Variants in B4GALT6 observed in about 807,000 individuals in gnomAD.
B4GALT6 encodes the protein beta-1,4-galactosyltransferase 6.
Under a neutral mutation model 46.3 loss-of-function variants are expected in B4GALT6, and 14 were observed. The ratio of observed to expected loss-of-function variants is 0.30; its 90% CI spans 0.20 to 0.47. The LOEUF is 0.47. Among genes scored for constraint, B4GALT6 ranks in the 20% least tolerant of loss-of-function variants. The pLI is 0.99. For synonymous variants in B4GALT6, 168 were observed against 162.0 expected (o/e 1.04, Z -0.28); for missense variants, 386 against 480.1 (o/e 0.80, Z 1.83).
upstream of B4GALT6, chr18:31,686,080 C>T (rs1000341968): frequency 9.2e-5 from 14 of 152,338 alleles, no homozygotes; most frequent in African/African-American, 3.1e-4. Flanking sequence ...ACCCTTCGTT[C>T]AAATGTTTCT....
At position 31,628,098 on chromosome 18, in the gene B4GALT6, G is replaced by A. The variant is rs145512125; in HGVS notation, c.777-977C>T. 1.3e-3 allele frequency among the ~76,000 whole-genome samples: 195 copies of A among 152,330 alleles called. 1 individual carries two copies. The highest frequency in any genetic ancestry group is 4.4e-3 in the African/African-American group (184 of 41,572). ...GGGGTCTTGTGTGGCACACAGACCA[G>A]GGAAGACTGGTTCTTTCATGGAAGC... On this transcript the variant is annotated intron_variant, in intron 6 of 8. Coordinates refer to ENST00000306851, the MANE Select transcript of B4GALT6 (RefSeq NM_004775.5).
upstream of B4GALT6, chr18:31,685,879 C>T (rs949751902): frequency 2.6e-5 from 4 of 152,246 alleles, no homozygotes; most frequent in East Asian, 1.9e-4. Context: ...GGATGTGGCG[C>T]GGACCTATGT....
At chr18:31,662,767 G>A (rs892289558) in intron 2 of B4GALT6, among the ~76,000 whole-genome samples, 1 of 152,200 alleles carries the variant, frequency 6.6e-6, no homozygotes, top group African/African-American at 2.4e-5. Flanking sequence ...CCTGAACCCA[G>A]GAGGCGGAGC....
the B4GALT6 span, among the ~76,000 whole-genome samples, chr18:31,700,123 T>A: frequency 6.6e-6 from 1 of 152,148 alleles, no homozygotes; most frequent in African/African-American, 2.4e-5. Flanking sequence ...GAATCATCAA[T>A]CTCTACTCAT....
rs774257403 is a variant in B4GALT6, at chr18:31,626,416, G to C, written c.900-32C>G. On this transcript the variant is annotated intron_variant, in intron 7 of 8. Transcript: ENST00000306851. ...TGCCATATATGGAAATGAAAATATA[G>C]AGAAATAAAATATGAAAATGGGTTA... The C allele has an allele frequency of 9.0e-6, 11 of 1,224,306 alleles. No individual in the cohort carries two copies. In the Admixed American group the frequency reaches 2.0e-4, roughly 22 times the overall value. 75.8% of individuals were successfully genotyped at this position (1,224,306 alleles called of 1,614,324 possible).
chr18:31,689,203 C>T (rs2030027572), upstream of B4GALT6, among the ~76,000 whole-genome samples: 1 of 152,122 alleles, frequency 6.6e-6, no homozygotes, highest in Admixed American at 6.5e-5. Context: ...GCTGGTTTTG[C>T]CTTACAGGGA....
At chr18:31,674,765 T>A (rs1000633020) in intron 1 of B4GALT6, among the ~76,000 whole-genome samples, 2 of 152,046 alleles carry the variant, frequency 1.3e-5, no homozygotes, top group Non-Finnish European at 2.9e-5. Context: ...ATATATGAAA[T>A]ATTATTCATA....
chr18:31,649,377 G>GCCTT (rs2074031590), intron 3 of B4GALT6, among the ~76,000 whole-genome samples: 1 of 152,130 alleles, frequency 6.6e-6, no homozygotes, highest in African/African-American at 2.4e-5. Flanking sequence ...ATGAATGAAT[G>GCCTT]AATGAATGAG....
chr18:31,625,819 G>C, intron 8 of B4GALT6, 58 bp from the exon 9 acceptor site: 1 of 1,424,062 alleles, frequency 7.0e-7, no homozygotes, highest in Non-Finnish European at 9.4e-7. Context: ...AAGGAAAACT[G>C]ATAAGGACTG....
chr18:31,645,400 C>T lies in B4GALT6; in HGVS notation c.426G>A (p.Glu142=). The T allele has an allele frequency of 3.1e-6, 5 of 1,613,900 alleles. No homozygotes were observed. Among genetic ancestry groups the T allele is most frequent in the Non-Finnish European group, 4.2e-6 (5 of 1,179,928 alleles). The stretch of plus-strand genomic sequence containing the variant: ...CTTTTGGCCTCCAATGACCCCCTGG[C>T]TCAATATCTAAATCCTTGGAGAAGA... ...HQLFSKDLDI[E]PGGHWRPKDC... The change falls in exon 4 of 9, where the codon GAG becomes GAA. Residue 142 remains glutamate (E), a synonymous_variant. Transcript: ENST00000306851.
chr18:31,636,360 T>G (rs553240913), intron 5 of B4GALT6, among the ~76,000 whole-genome samples: 2 of 152,212 alleles, frequency 1.3e-5, no homozygotes, highest in Admixed American at 6.5e-5. Context: ...TTTGCAAAAC[T>G]TATGTCTTAC....
chr18:31,646,943 C>T (rs2073998096), intron 3 of B4GALT6, among the ~76,000 whole-genome samples: 1 of 152,172 alleles, frequency 6.6e-6, no homozygotes, highest in Admixed American at 6.5e-5. Flanking sequence ...CAGCCTTCAG[C>T]GTGACAAGAT....
chr18:31,635,403 T>C (rs1348639609), intron 5 of B4GALT6, among the ~76,000 whole-genome samples: 1 of 152,118 alleles, frequency 6.6e-6, no homozygotes, highest in African/African-American at 2.4e-5. Context: ...TTTCCACTTG[T>C]TAGGTAAAAC....
At chr18:31,684,611 G>C (rs1201021070), upstream of B4GALT6, 6 of 1,336,466 alleles carry the variant, frequency 4.5e-6, no homozygotes, top group Non-Finnish European at 5.8e-6. Context: ...GGAATGAATG[G>C]GAGGCCAGAG....
At chr18:31,715,275 G>C in the B4GALT6 span, among the ~76,000 whole-genome samples, 1 of 152,102 alleles carries the variant, frequency 6.6e-6, no homozygotes, top group Non-Finnish European at 1.5e-5. Context: ...ACCCAGGCTG[G>C]AGTGCTGTGG....
intron 7 of B4GALT6, 48 bp downstream of exon 7, chr18:31,626,951 T>C (rs1312684989): frequency 7.2e-6 from 11 of 1,525,982 alleles, no homozygotes; most frequent in Non-Finnish European, 9.8e-6. Context: ...CTAATATAAA[T>C]AAGATTTATA....
At chr18:31,694,443 C>G in the B4GALT6 span, among the ~76,000 whole-genome samples, 3 of 152,206 alleles carry the variant, frequency 2.0e-5, no homozygotes, top group Non-Finnish European at 4.4e-5. Context: ...GACTGAATAT[C>G]TTTAAACACA....
chr18:31,645,532 T>C, intron 3 of B4GALT6, 53 bp from the exon 4 acceptor site: 1 of 1,554,012 alleles, frequency 6.4e-7, no homozygotes, highest in Non-Finnish European at 8.7e-7. Flanking sequence ...CTCAAAGATC[T>C]AGTAGAACAA....
rs778843553 is a variant in B4GALT6 at position 31,682,016 on chromosome 18, TAAG to T, written c.115+2293_115+2295del. Among the ~76,000 whole-genome samples the T allele has an allele frequency of 1.4e-3, 217 of 152,328 alleles. 1 individual carries two copies. The highest frequency in any genetic ancestry group is 4.5e-3 in the African/African-American group (189 of 41,564). ...ATTACTTCTGGATATGTCTCATAAATAAGAAATCTGAAGCACTTGTGCAATTGA... is the reference window on the plus strand; with the variant it reads ...ATTACTTCTGGATATGTCTCATAAATAAATCTGAAGCACTTGTGCAATTGA... On this transcript the variant is annotated intron_variant, in intron 1 of 8. Transcript: ENST00000306851.
Sources: gnomAD v4.1 joint callset for allele counts (sites outside exome capture counted in the v4.1 genomes callset) on GRCh38, gnomAD v4.1.1 for gene constraint, MANE v1.5 for transcripts, NCBI Gene and HGNC (gene_info 2026-07-23, HGNC 2026-07-21) for gene names.